Variants in FUT8 observed in about 807,000 individuals in gnomAD.
FUT8 encodes alpha-(1,6)-fucosyltransferase.
FUT8 carries 29 observed loss-of-function variants against 71.3 expected under a neutral mutation model. The ratio of observed to expected loss-of-function variants is 0.41; its 90% CI spans 0.30 to 0.55. FUT8 has a LOEUF of 0.55. Ranked by LOEUF, FUT8 falls within the 20% of genes least tolerant of loss-of-function variation. FUT8 has a pLI of 0.34. For synonymous variants in FUT8, 254 were observed against 239.3 expected (o/e 1.06, Z -0.57); for missense variants, 544 against 702.1 (o/e 0.77, Z 2.55).
At chr14:65,694,633 G>A (rs560202075) in intron 7 of FUT8, among the ~76,000 whole-genome samples, 1 of 152,028 alleles carries the variant, frequency 6.6e-6, no homozygotes, top group East Asian at 1.9e-4. Flanking sequence ...GCAAAGACTT[G>A]GAATCAACCC....
At chr14:65,631,127 C>T (rs1268858892) in intron 6 of FUT8, among the ~76,000 whole-genome samples, 1 of 152,218 alleles carries the variant, frequency 6.6e-6, no homozygotes. Context: ...AAACACTTCA[C>T]CTCCTGTAGG....
the FUT8 span, among the ~76,000 whole-genome samples, chr14:65,384,908 T>TTTTTTTA: frequency 2.0e-5 from 3 of 151,886 alleles, no homozygotes; most frequent in Admixed American, 6.6e-5. The surrounding 1 kb of genome is among the most constrained non-coding windows in gnomAD (Gnocchi z 4.2). Flanking sequence ...TTTTTTTTTT[T>TTTTTTTA]GAGACAGAGT....
intron 6 of FUT8, among the ~76,000 whole-genome samples, chr14:65,668,931 A>C (rs886986764): frequency 6.6e-6 from 1 of 152,224 alleles, no homozygotes; most frequent in Non-Finnish European, 1.5e-5. Context: ...ATGCAGGAAC[A>C]GAAAACCAAA....
At chr14:65,498,782 C>A (rs2066599902) in intron 2 of FUT8, among the ~76,000 whole-genome samples, 1 of 152,106 alleles carries the variant, frequency 6.6e-6, no homozygotes, top group African/African-American at 2.4e-5. Context: ...TTGGGTCTTA[C>A]TGAAATAGGA....
chr14:65,362,769 T>G, the FUT8 span, among the ~76,000 whole-genome samples: 2 of 151,352 alleles, frequency 1.3e-5, no homozygotes, highest in East Asian at 3.9e-4. Context: ...GAGACCATCC[T>G]GGCTAACATG....
At chr14:65,554,502 G>A (rs898836396) in intron 2 of FUT8, among the ~76,000 whole-genome samples, 4 of 150,392 alleles carry the variant, frequency 2.7e-5, no homozygotes, top group African/African-American at 9.8e-5. Context: ...GACATTTTAG[G>A]TAAAAGGCAA....
intron 7 of FUT8, among the ~76,000 whole-genome samples, chr14:65,676,186 A>G (rs1359885540): frequency 1.3e-5 from 2 of 152,174 alleles, no homozygotes; most frequent in African/African-American, 4.8e-5. Context: ...CTTTTTAGAA[A>G]AGGTTCTGGC....
chr14:65,524,785 AGTT>A (rs1883332251), intron 2 of FUT8, among the ~76,000 whole-genome samples: 1 of 151,964 alleles, frequency 6.6e-6, no homozygotes, highest in Non-Finnish European at 1.5e-5. Context: ...TAGCATGCAG[AGTT>A]GTTGAATTTT....
chr14:65,617,941 C>A, intron 5 of FUT8, among the ~76,000 whole-genome samples: 1 of 146,516 alleles, frequency 6.8e-6, no homozygotes. Flanking sequence ...AAGACTCTGT[C>A]TCAAAAAAAA....
chr14:65,516,465 G>A (rs919473973), intron 2 of FUT8: 2 of 152,140 alleles, frequency 1.3e-5, no homozygotes, highest in Non-Finnish European at 2.9e-5. Context: ...GTTATAGGCA[G>A]ACGGTTTGCA....
chr14:65,361,397 A>G, the FUT8 span, among the ~76,000 whole-genome samples: 1 of 150,964 alleles, frequency 6.6e-6, no homozygotes, highest in Non-Finnish European at 1.5e-5. Context: ...AGGATCTACT[A>G]GAGACCTTGT....
chr14:65,668,536 A>G (rs998034687), intron 6 of FUT8, among the ~76,000 whole-genome samples: 4 of 152,126 alleles, frequency 2.6e-5, no homozygotes, highest in Non-Finnish European at 5.9e-5. Context: ...TCCAAAAATA[A>G]CATGCTGGTG....
At chr14:65,447,934 A>G (rs1482132799) in intron 1 of FUT8, among the ~76,000 whole-genome samples, 1 of 152,202 alleles carries the variant, frequency 6.6e-6, no homozygotes, top group East Asian at 1.9e-4. Flanking sequence ...GAAAGGCACG[A>G]TAACCAGCTC....
chr14:65,553,124 T>C (rs534304470), intron 2 of FUT8, among the ~76,000 whole-genome samples: 1 of 152,188 alleles, frequency 6.6e-6, no homozygotes, highest in Non-Finnish European at 1.5e-5. Context: ...TTTAATTTAT[T>C]TATAGAGACA....
At chr14:65,442,839 A>G (rs1414222896) in intron 1 of FUT8, among the ~76,000 whole-genome samples, 1 of 151,108 alleles carries the variant, frequency 6.6e-6, no homozygotes, top group African/African-American at 2.4e-5. Flanking sequence ...AAAAAAAAAA[A>G]TTAAGAATAC....
chr14:65,631,150 A>G (rs2070389738), intron 6 of FUT8, among the ~76,000 whole-genome samples: 1 of 152,174 alleles, frequency 6.6e-6, no homozygotes, highest in Non-Finnish European at 1.5e-5. Context: ...AGAGGTAATT[A>G]TCTCCTATCA....
At chr14:65,397,216 C>A in the FUT8 span, among the ~76,000 whole-genome samples, 1 of 152,224 alleles carries the variant, frequency 6.6e-6, no homozygotes, top group African/African-American at 2.4e-5. This position sits in a 1 kb window ranked among gnomAD's most constrained non-coding sequence, Gnocchi z 4.2. Context: ...CACATCACTT[C>A]TGCCCACATT....
At position 65,435,225 on chromosome 14, in the gene FUT8, A is replaced by G. The variant is rs182384859; in HGVS notation, c.-325-20396A>G. 2.9e-3 allele frequency among the ~76,000 whole-genome samples: 439 copies of G among 152,346 alleles called. 3 individuals are homozygous for G. Among genetic ancestry groups the G allele is most frequent in the African/African-American group, 0.01 (417 of 41,584 alleles). On this transcript the variant is annotated intron_variant, in intron 1 of 10. Coordinates refer to ENST00000673929, the MANE Select transcript of FUT8 (RefSeq NM_001371533.1). ...AAATATAATATACAATGTAAATACT[A>G]TATACATCGTTGTTATGTTGTTTAT... is the stretch of plus-strand genomic sequence containing the variant.
chr14:65,657,446 A>G (rs1751218116), intron 6 of FUT8, among the ~76,000 whole-genome samples: 1 of 152,182 alleles, frequency 6.6e-6, no homozygotes, highest in Non-Finnish European at 1.5e-5. Flanking sequence ...ATGAATGAAC[A>G]AAGAAAATAT....
Sources: allele counts gnomAD v4.1 joint callset (sites outside exome capture counted in the v4.1 genomes callset), GRCh38; gene constraint gnomAD v4.1.1; non-coding constraint Gnocchi (gnomAD v3.1); transcripts MANE v1.5; gene names NCBI Gene and HGNC (gene_info 2026-07-23, HGNC 2026-07-21).